Variants in ABCC4 observed in about 807,000 individuals in gnomAD.
The protein encoded by ABCC4 is ATP-binding cassette sub-family C member 4.
ABCC4 carries 102 observed loss-of-function variants against 168.5 expected under a neutral mutation model. The observed-to-expected ratio is 0.61, with a 90% CI of 0.52 to 0.71. The LOEUF is 0.71. ABCC4 is among the 30% of genes least tolerant of loss of function. The pLI is 0.00. For synonymous variants in ABCC4, 617 were observed against 590.7 expected, an observed-to-expected ratio of 1.04 and a Z score of -0.65; for missense variants, 1,402 against 1,605.8, an observed-to-expected ratio of 0.87 and a Z score of 2.17.
At chr13:95,068,286 A>T (rs573810003) in intron 25 of ABCC4, among the ~76,000 whole-genome samples, 1 of 152,344 alleles carries the variant, frequency 6.6e-6, no homozygotes, top group Non-Finnish European at 1.5e-5. Context: ...CTGAATACAC[A>T]AATGAAGCTA....
intron 20 of ABCC4, among the ~76,000 whole-genome samples, chr13:95,113,736 C>T (rs1341129355): frequency 8.5e-5 from 13 of 152,110 alleles, no homozygotes; most frequent in African/African-American, 2.9e-4. Context: ...CAAAAGCCCA[C>T]TCATCGAATG....
intron 19 of ABCC4, among the ~76,000 whole-genome samples, chr13:95,156,569 C>T (rs1185389100): frequency 2.0e-5 from 3 of 152,184 alleles, no homozygotes; most frequent in African/African-American, 7.2e-5. Context: ...GGCTAAGACA[C>T]ACACAAAAAC....
intron 29 of ABCC4, among the ~76,000 whole-genome samples, chr13:95,036,525 A>T (rs1256327741): frequency 1.3e-4 from 20 of 152,168 alleles, no homozygotes. Flanking sequence ...AGAAAAAAAA[A>T]AATAATGTTC....
chr13:95,085,652 C>A (rs907502270), intron 20 of ABCC4, among the ~76,000 whole-genome samples: 6 of 152,162 alleles, frequency 3.9e-5, no homozygotes, highest in Non-Finnish European at 7.4e-5. Flanking sequence ...CTCAGCACCA[C>A]CACCTGCATC....
intron 3 of ABCC4, 137 bp downstream of exon 3, chr13:95,246,838 T>C: frequency 1.0e-6 from 1 of 1,003,892 alleles, no homozygotes; most frequent in Non-Finnish European, 1.5e-6. Context: ...GTTTAATCCT[T>C]AGACCTTAAA....
intron 26 of ABCC4, chr13:95,054,021 CTTTTTTTT>C (rs55980425): frequency 3.8e-3 from 273 of 71,394 alleles, no homozygotes; most frequent in Non-Finnish European, 4.9e-3. Context: ...ATGGGACATC[CTTTTTTTT>C]TTTTTTTTTT....
At chr13:95,199,282 C>T (rs1026837132) in intron 8 of ABCC4, among the ~76,000 whole-genome samples, 27 of 152,170 alleles carry the variant, frequency 1.8e-4, no homozygotes, top group Non-Finnish European at 8.8e-5. Flanking sequence ...CTCCTGATGC[C>T]ATTTTTCACC....
intron 1 of ABCC4, among the ~76,000 whole-genome samples, chr13:95,275,836 T>C (rs1008762497): frequency 6.6e-6 from 1 of 152,206 alleles, no homozygotes; most frequent in African/African-American, 2.4e-5. Context: ...ATGCCTGTTA[T>C]TCAGAGTTAA....
chr13:95,084,674 A>C (rs1454897498), intron 20 of ABCC4, among the ~76,000 whole-genome samples: 1 of 152,178 alleles, frequency 6.6e-6, no homozygotes, highest in Non-Finnish European at 1.5e-5. Context: ...ATATGCATTA[A>C]ATTTTCCACG....
rs891307898 is a variant in ABCC4 at position 95,301,300 on chromosome 13, G to A, written c.15C>T (p.Tyr5=). The change falls in exon 1 of 31, where the codon TAC becomes TAT. Residue 5 remains tyrosine, a synonymous_variant. Coordinates refer to ENST00000645237, the MANE Select transcript of ABCC4 (RefSeq NM_005845.5). ...GCAGCGGGTTGGGCTTCACCTCCTGGTACACGGGCAGCATCTTGCCGGGCG... is the reference window on the plus strand; with the variant it reads ...GCAGCGGGTTGGGCTTCACCTCCTGATACACGGGCAGCATCTTGCCGGGCG... The part of the protein sequence containing the change: MLPV[Y]QEVKPNPLQD... The A allele has an allele frequency of 1.9e-5, 31 of 1,594,730 alleles. No homozygotes were observed. The highest frequency in any genetic ancestry group is 2.6e-5 in the Non-Finnish European group (30 of 1,171,454).
In ABCC4 at chr13:95,144,969, T is replaced by C. The variant is rs114812902; in HGVS notation, c.2455+16220A>G. Among the ~76,000 whole-genome samples the C allele has an allele frequency of 6.1e-3, 928 of 151,754 alleles. 11 individuals are homozygous for C. Among genetic ancestry groups the C allele is most frequent in the African/African-American group, 0.021 (885 of 41,414 alleles). On this transcript the variant is annotated intron_variant, in intron 19 of 30. Transcript: ENST00000645237. The stretch of plus-strand genomic sequence containing the variant: ...ACAGAATCTATAAGGAACTTAAGTT[T>C]ACAAGCAAAAAACAAACAACTCCAG...
intron 4 of ABCC4, among the ~76,000 whole-genome samples, chr13:95,216,111 C>G (rs2039102585): frequency 6.6e-6 from 1 of 152,146 alleles, no homozygotes; most frequent in Non-Finnish European, 1.5e-5. Flanking sequence ...AAGAAAACAA[C>G]TATGAAGTAA....
chr13:95,166,879 G>A (rs56366991), intron 14 of ABCC4, among the ~76,000 whole-genome samples: 2,421 of 152,136 alleles, frequency 0.016, 47 homozygotes, highest in East Asian at 0.088. Context: ...GCACCTTCAC[G>A]GTCTTTACTC....
chr13:95,100,057 A>G (rs2034743347), intron 20 of ABCC4, among the ~76,000 whole-genome samples: 1 of 152,232 alleles, frequency 6.6e-6, no homozygotes, highest in Admixed American at 6.5e-5. Context: ...GAGAGAATTT[A>G]AAGGTCCTCA....
intron 3 of ABCC4, among the ~76,000 whole-genome samples, chr13:95,246,474 A>G (rs1250089960): frequency 6.6e-6 from 1 of 152,184 alleles, no homozygotes; most frequent in African/African-American, 2.4e-5. Context: ...AGAGGTGACA[A>G]TACCTCTCCA....
chr13:95,120,724 G>C (rs2035541339), intron 19 of ABCC4, among the ~76,000 whole-genome samples: 1 of 152,154 alleles, frequency 6.6e-6, no homozygotes, highest in African/African-American at 2.4e-5. Flanking sequence ...ACTATCTTGA[G>C]ATGTGAGAAG....
chr13:95,138,145 A>C (rs1436008249), intron 19 of ABCC4, among the ~76,000 whole-genome samples: 1 of 152,168 alleles, frequency 6.6e-6, no homozygotes. Context: ...AGCACGTTAC[A>C]CTTTACCAAT....
chr13:95,035,449 T>C (rs751243523), intron 29 of ABCC4, among the ~76,000 whole-genome samples: 6 of 152,150 alleles, frequency 3.9e-5, no homozygotes, highest in Non-Finnish European at 7.3e-5. Flanking sequence ...AGAAATCCAA[T>C]TTTCTCTTTG....
chr13:95,045,631 A>G (rs376237451), intron 27 of ABCC4, among the ~76,000 whole-genome samples: 22 of 152,328 alleles, frequency 1.4e-4, no homozygotes, highest in South Asian at 8.3e-4. Context: ...ATGATCTGAT[A>G]CTACATTGGG....
Sources: gnomAD v4.1 joint callset for allele counts (sites outside exome capture counted in the v4.1 genomes callset) on GRCh38, gnomAD v4.1.1 for gene constraint, MANE v1.5 for transcripts, NCBI Gene and HGNC (gene_info 2026-07-23, HGNC 2026-07-21) for gene names.